The following NELL1 variants were observed in gnomAD, a reference collection of about 807,000 sequenced individuals.
The protein encoded by NELL1 is neural EGFL like 1, also known as protein kinase C-binding protein NELL1.
Under a neutral mutation model 107.4 loss-of-function variants are expected in NELL1, and 76 were observed. The ratio of observed to expected loss-of-function variants is 0.71; its 90% CI spans 0.59 to 0.86. The LOEUF (loss-of-function observed/expected upper bound fraction) is 0.86. NELL1 is among the 40% of genes least tolerant of loss of function. The pLI, the probability that NELL1 is intolerant of heterozygous loss-of-function variation, is 0.00. For synonymous variants in NELL1, 353 were observed against 341.2 expected (o/e 1.03, Z -0.38); for missense variants, 1,024 against 1,005.5 (o/e 1.02, Z -0.25).
intron 13 of NELL1, among the ~76,000 whole-genome samples, chr11:21,190,397 A>G (rs2133835016): frequency 6.6e-6 from 1 of 151,852 alleles, no homozygotes; most frequent in Non-Finnish European, 1.5e-5. Flanking sequence ...TAAAATGGGA[A>G]TACTGGAATT....
At chr11:21,460,908 C>A (rs1422432250) in intron 15 of NELL1, among the ~76,000 whole-genome samples, 1 of 152,072 alleles carries the variant, frequency 6.6e-6, no homozygotes, top group African/African-American at 2.4e-5. Context: ...AGCTCCCTCA[C>A]ATTGTGATTG....
intron 15 of NELL1, among the ~76,000 whole-genome samples, chr11:21,532,755 T>G (rs113333566): frequency 5.3e-4 from 80 of 152,338 alleles, no homozygotes; most frequent in Non-Finnish European, 9.1e-4. Flanking sequence ...GTCATCTCTA[T>G]AATCAGCCGT....
intron 15 of NELL1, among the ~76,000 whole-genome samples, chr11:21,493,806 A>G (rs889312887): frequency 2.0e-5 from 3 of 152,064 alleles, no homozygotes; most frequent in Non-Finnish European, 4.4e-5. Context: ...AGATACCACA[A>G]ATATTCTAAC....
intron 5 of NELL1, among the ~76,000 whole-genome samples, chr11:20,902,589 G>A (rs532187145): frequency 2.0e-5 from 3 of 152,124 alleles, no homozygotes; most frequent in Non-Finnish European, 4.4e-5. Flanking sequence ...CATACATTTG[G>A]ACATAGGAGC....
At chr11:20,985,611 T>A (rs960041007) in intron 12 of NELL1, among the ~76,000 whole-genome samples, 1 of 152,116 alleles carries the variant, frequency 6.6e-6, no homozygotes, top group Non-Finnish European at 1.5e-5. Context: ...GTTGGGCCCT[T>A]TTGAATCTCT....
chr11:20,914,491 G>C (rs910029031), intron 5 of NELL1, among the ~76,000 whole-genome samples: 8 of 152,114 alleles, frequency 5.3e-5, no homozygotes, highest in African/African-American at 1.9e-4. Context: ...TTATCATGCA[G>C]ATGAAGCCTC....
At chr11:21,226,272 C>T (rs539410746) in intron 13 of NELL1, among the ~76,000 whole-genome samples, 127 of 152,208 alleles carry the variant, frequency 8.3e-4, no homozygotes, top group South Asian at 7.1e-3. Flanking sequence ...TAGGAGATCC[C>T]AGTAGGAATT....
chr11:21,377,820 T>C (rs1017569927), intron 15 of NELL1, among the ~76,000 whole-genome samples: 4 of 152,108 alleles, frequency 2.6e-5, no homozygotes, highest in Non-Finnish European at 4.4e-5. Flanking sequence ...CTAGTTTGTG[T>C]ATGTAGTGGT....
chr11:20,982,815 A>C (rs1851775287), intron 12 of NELL1, among the ~76,000 whole-genome samples: 1 of 152,194 alleles, frequency 6.6e-6, no homozygotes, highest in South Asian at 2.1e-4. Flanking sequence ...TTGTTTGTAT[A>C]GGGAATTTTT....
rs936737974 is a variant in NELL1, at chr11:21,177,336, C to A, written c.1427-51996C>A. Reference sequence around the variant, plus strand: ...TCTATGAGTTTGACTTTTTTAGATTCCACATAGATGTGAGATCATGCAGTA... The same window carrying A: ...TCTATGAGTTTGACTTTTTTAGATTACACATAGATGTGAGATCATGCAGTA... On this transcript the variant is annotated intron_variant, in intron 13 of 19. Coordinates refer to ENST00000357134, the MANE Select transcript of NELL1 (RefSeq NM_006157.5). Among the ~76,000 whole-genome samples the A allele has an allele frequency of 9.9e-5, 15 of 151,764 alleles. 1 individual carries two copies. The highest frequency in any genetic ancestry group is 2.9e-4 in the African/African-American group (12 of 41,088).
At chr11:21,166,496 A>T (rs1328110952) in intron 13 of NELL1, among the ~76,000 whole-genome samples, 1 of 151,874 alleles carries the variant, frequency 6.6e-6, no homozygotes, top group South Asian at 2.1e-4. Flanking sequence ...AATGCTTGTC[A>T]TGATGGATAC....
rs1424165869 is a variant in NELL1, at chr11:21,110,775, A to G, written c.1301-2814A>G. ...CTGTATCTCTGTGAGTAAAATACCA[A>G]TGTGATTTAGCCTTCAGCGTACTCT... On this transcript the variant is annotated intron_variant, in intron 12 of 19. Coordinates refer to ENST00000357134, the MANE Select transcript of NELL1 (RefSeq NM_006157.5). Among the ~76,000 whole-genome samples the G allele has an allele frequency of 3.3e-5, 5 of 152,116 alleles. No individual in the cohort carries two copies. The East Asian group carries it at 5.8e-4, about 18-fold the overall frequency.
intron 2 of NELL1, among the ~76,000 whole-genome samples, chr11:20,742,076 A>C (rs1855903716): frequency 6.6e-6 from 1 of 152,202 alleles, no homozygotes; most frequent in South Asian, 2.1e-4. Flanking sequence ...CATTGTTATT[A>C]CTAGCTGGGG....
At chr11:21,356,381 C>T (rs1232267336) in intron 14 of NELL1, among the ~76,000 whole-genome samples, 3 of 152,058 alleles carry the variant, frequency 2.0e-5, no homozygotes, top group Admixed American at 6.6e-5. Context: ...CTAGATAATT[C>T]TTTGTTGCAG....
intron 13 of NELL1, among the ~76,000 whole-genome samples, chr11:21,211,149 A>G (rs1218646910): frequency 6.6e-6 from 1 of 152,174 alleles, no homozygotes; most frequent in East Asian, 1.9e-4. Context: ...GATTAGTCCT[A>G]TGAAGGAAAT....
Position 21,337,780 on chromosome 11 carries a change from C to CTTTCTTTCT in NELL1, c.1550-33070_1550-33062dup, listed in dbSNP as rs1555006140. ...TCTTTCTTTCTTTCTTTCTTTCTTT[C>CTTTCTTTCT]TTTCTTTCTTTCTTTCCTTCTTTCT... On this transcript the variant is annotated intron_variant, in intron 14 of 19. Transcript: ENST00000357134. 1.8e-3 allele frequency among the ~76,000 whole-genome samples: 258 copies of CTTTCTTTCT among 140,122 alleles called. 2 individuals are homozygous for CTTTCTTTCT. Among genetic ancestry groups the CTTTCTTTCT allele is most frequent in the Non-Finnish European group, 3.3e-3 (211 of 64,580 alleles). 91.9% of individuals were successfully genotyped at this position (140,122 alleles called of 152,430 possible). A position where few individuals can be genotyped will look rare whatever the true frequency, so the allele number is the denominator to read the frequency against.
intron 14 of NELL1, among the ~76,000 whole-genome samples, chr11:21,247,499 A>G (rs897039479): frequency 1.3e-5 from 2 of 152,132 alleles, no homozygotes; most frequent in Non-Finnish European, 2.9e-5. Flanking sequence ...GGTCAGAATC[A>G]TCAGTATCAC....
intron 14 of NELL1, among the ~76,000 whole-genome samples, chr11:21,345,433 A>G (rs1169891216): frequency 6.6e-6 from 1 of 152,144 alleles, no homozygotes; most frequent in African/African-American, 2.4e-5. Flanking sequence ...GCATATCCAT[A>G]TCTTATTTAG....
At chr11:20,694,622 A>C (rs1194385701) in intron 2 of NELL1, among the ~76,000 whole-genome samples, 2 of 151,966 alleles carry the variant, frequency 1.3e-5, no homozygotes, top group Non-Finnish European at 2.9e-5. Context: ...CTATTGGTCT[A>C]TGTGCTTGTT....
Sources: allele counts gnomAD v4.1 joint callset (sites outside exome capture counted in the v4.1 genomes callset), GRCh38; gene constraint gnomAD v4.1.1; transcripts MANE v1.5; gene names NCBI Gene and HGNC (gene_info 2026-07-23, HGNC 2026-07-21).